Variants in CHD1L observed in about 807,000 individuals in gnomAD.
CHD1L encodes chromodomain helicase DNA binding protein 1 like.
Under a neutral mutation model 115.9 loss-of-function variants are expected in CHD1L, and 118 were observed. That is an observed-to-expected ratio of 1.02 (90% CI 0.88 to 1.19). The LOEUF is 1.19. CHD1L is among the 50% of genes most tolerant of loss of function. CHD1L has a pLI of 0.00. For synonymous variants in CHD1L, 411 were observed against 387.1 expected, an observed-to-expected ratio of 1.06 and a Z score of -0.72; for missense variants, 1,179 against 1,065.3, an observed-to-expected ratio of 1.11 and a Z score of -1.49.
Position 147,265,813 on chromosome 1 carries a change from C to T in CHD1L, c.740-119C>T, listed in dbSNP as rs1246628569. 3.5e-6 allele frequency: 3 copies of T among 854,226 alleles called. No individual in the cohort carries two copies. In the African/African-American group the frequency reaches 5.2e-5, roughly 15 times the overall value. 52.9% of individuals were successfully genotyped at this position (854,226 alleles called of 1,614,324 possible). A position where few individuals can be genotyped will look rare whatever the true frequency, so the allele number is the denominator to read the frequency against. On this transcript the variant is annotated intron_variant, in intron 7 of 22. Coordinates refer to ENST00000369258, the MANE Select transcript of CHD1L (RefSeq NM_004284.6). The stretch of plus-strand genomic sequence containing the variant: ...ACTATAAAAAAATGATCATACTGGC[C>T]TAGAATGCAAAATAAGCGTGAAATA...
chr1:147,185,011 T>A, the CHD1L span, among the ~76,000 whole-genome samples: 1 of 152,210 alleles, frequency 6.6e-6, no homozygotes, highest in South Asian at 2.1e-4. Flanking sequence ...TTTAAAATAA[T>A]TAGGAAAATG....
intron 5 of CHD1L, among the ~76,000 whole-genome samples, 177 bp downstream of exon 5, chr1:147,256,739 G>A (rs1553940823): frequency 1.3e-5 from 2 of 152,174 alleles, no homozygotes. Flanking sequence ...CTCATTAGCT[G>A]TGTGTCCTTG....
At chr1:147,271,163 T>C (rs2102660866) in intron 11 of CHD1L, 158 bp downstream of exon 11, 1 of 590,656 alleles carries the variant, frequency 1.7e-6, no homozygotes. Flanking sequence ...AGGAGAGTGA[T>C]GTGTGAAGGC....
Position 147,295,346 on chromosome 1 carries a change from A to C in CHD1L, c.2616-85A>C, listed in dbSNP as rs587620850. The C allele has an allele frequency of 2.7e-5, 23 of 867,436 alleles. No homozygotes were observed. The South Asian group carries it at 2.9e-4, about 11-fold the overall frequency. 53.7% of individuals were successfully genotyped at this position (867,436 alleles called of 1,614,324 possible). ...AAAGCATACTACTTCTAGAACAGTT[A>C]TTTCAATAATTACTAGAGAACTAGT... On this transcript the variant is annotated intron_variant, in intron 22 of 22. Transcript: ENST00000369258.
chr1:147,235,344 C>T, the CHD1L span, among the ~76,000 whole-genome samples: 1 of 152,100 alleles, frequency 6.6e-6, no homozygotes, highest in Non-Finnish European at 1.5e-5. Context: ...TTCGTAATAC[C>T]TTGGACATTC....
intron 21 of CHD1L, 27 bp downstream of exon 21, chr1:147,293,749 G>C: frequency 6.4e-7 from 1 of 1,574,068 alleles, no homozygotes; most frequent in Non-Finnish European, 8.7e-7. Context: ...GTGCTCAAGA[G>C]TAGATGAATT....
At chr1:147,271,599 G>A (rs1553953161) in intron 11 of CHD1L, among the ~76,000 whole-genome samples, 1 of 151,552 alleles carries the variant, frequency 6.6e-6, no homozygotes, top group African/African-American at 2.4e-5. Flanking sequence ...TTCAGACCGG[G>A]TGTCTGAGTT....
intron 1 of CHD1L, among the ~76,000 whole-genome samples, chr1:147,246,605 T>C (rs1666699662): frequency 6.6e-6 from 1 of 152,246 alleles, no homozygotes; most frequent in South Asian, 2.1e-4. Flanking sequence ...TTCTAATGTA[T>C]GTGAAATGCT....
chr1:147,184,585 A>G, the CHD1L span: 8 of 1,548,534 alleles, frequency 5.2e-6, no homozygotes, highest in East Asian at 1.7e-4. This position sits in a 1 kb window ranked among gnomAD's most constrained non-coding sequence, Gnocchi z 4.4. Flanking sequence ...GTATTTGTAG[A>G]ATATTCTTCA....
At chr1:147,212,538 G>T in the CHD1L span, 8 of 1,608,760 alleles carry the variant, frequency 5.0e-6, no homozygotes, top group African/African-American at 1.3e-5. Context: ...CTCAATTCCT[G>T]CAAGAGAAGG....
intron 12 of CHD1L, among the ~76,000 whole-genome samples, chr1:147,274,099 C>T (rs782104574): frequency 2.6e-5 from 4 of 152,178 alleles, no homozygotes; most frequent in Non-Finnish European, 4.4e-5. Flanking sequence ...AGCACGGGCT[C>T]TGGACCAAGA....
the CHD1L span, among the ~76,000 whole-genome samples, chr1:147,235,715 G>C: frequency 1.7e-4 from 26 of 152,300 alleles, no homozygotes; most frequent in South Asian, 6.2e-4. Flanking sequence ...GAAGGTCATA[G>C]AGAGTTCTTA....
rs782004358 is a variant in CHD1L at position 147,267,535 on chromosome 1, T to C, written c.988+17T>C. ...TGTTTGATGGTGAGACAGTGCCTTT[T>C]CCCCCCACATTATTCTTTGGTAATG... is the stretch of plus-strand genomic sequence containing the variant. On this transcript the variant is annotated intron_variant, in intron 9 of 22. Transcript: ENST00000369258. The C allele has an allele frequency of 8.9e-6, 14 of 1,580,178 alleles. No individual in the cohort carries two copies. Among genetic ancestry groups the C allele is most frequent in the African/African-American group, 2.7e-5 (2 of 73,872 alleles).
At chr1:147,206,468 G>GT in the CHD1L span, among the ~76,000 whole-genome samples, 9 of 152,178 alleles carry the variant, frequency 5.9e-5, 1 homozygote, top group African/African-American at 2.2e-4. Context: ...GCACACGTAT[G>GT]TTTATTGCGG....
chr1:147,218,038 A>G, the CHD1L span, among the ~76,000 whole-genome samples: 1 of 152,250 alleles, frequency 6.6e-6, no homozygotes, highest in South Asian at 2.1e-4. Flanking sequence ...AAACTAATAA[A>G]ATACATCAAC....
chr1:147,224,719 C>G, the CHD1L span, among the ~76,000 whole-genome samples: 1 of 152,160 alleles, frequency 6.6e-6, no homozygotes, highest in Admixed American at 6.5e-5. Flanking sequence ...ACCGTGTTAG[C>G]CAGGATGGTC....
intron 6 of CHD1L, among the ~76,000 whole-genome samples, chr1:147,263,985 C>T (rs1445898813): frequency 1.3e-5 from 2 of 152,130 alleles, no homozygotes; most frequent in African/African-American, 4.8e-5. Flanking sequence ...TTACTTATTG[C>T]TTGCAGTGGT....
the CHD1L span, among the ~76,000 whole-genome samples, chr1:147,202,436 C>T: frequency 6.6e-6 from 1 of 150,904 alleles, no homozygotes; most frequent in South Asian, 2.1e-4. Flanking sequence ...TCTGCTGTCT[C>T]AGCCTCCCGA....
Position 147,272,155 on chromosome 1 carries a change from C to T in CHD1L, c.1160-16C>T. ...GAAAAGGGTTAAGATTTCTGTTTTT[C>T]TTCCTCTCTGTAAAGGCTACAGCTA... On this transcript the variant is annotated splice_polypyrimidine_tract_variant and intron_variant, in intron 11 of 22. Coordinates refer to ENST00000369258, the MANE Select transcript of CHD1L (RefSeq NM_004284.6). The T allele has an allele frequency of 3.1e-6, 5 of 1,592,302 alleles. No individual in the cohort carries two copies. The highest frequency in any genetic ancestry group is 2.3e-5 in the South Asian group (2 of 88,048).
Sources: allele counts gnomAD v4.1 joint callset (sites outside exome capture counted in the v4.1 genomes callset), GRCh38; gene constraint gnomAD v4.1.1; non-coding constraint Gnocchi (gnomAD v3.1); transcripts MANE v1.5; gene names NCBI Gene and HGNC (gene_info 2026-07-23, HGNC 2026-07-21).